The following MROH1 variants were observed in gnomAD, a reference collection of about 807,000 sequenced individuals.
MROH1 encodes the protein maestro heat like repeat family member 1, also known as maestro heat-like repeat-containing protein family member 1.
MROH1 carries 117 observed loss-of-function variants against 116.5 expected under a neutral mutation model. The observed-to-expected ratio is 1.00, with a 90% CI of 0.86 to 1.17. The LOEUF (loss-of-function observed/expected upper bound fraction) is 1.17, where lower values mean the gene tolerates loss of function less well. Among genes scored for constraint, MROH1 ranks in the 50% most tolerant of loss-of-function variants. The pLI is 0.00. For synonymous variants in MROH1, 921 were observed against 583.9 expected (o/e 1.58, Z -8.32); for missense variants, 1,873 against 1,338.5 (o/e 1.40, Z -6.23).
chr8:144,256,977 C>T (rs1843968943), intron 35 of MROH1, among the ~76,000 whole-genome samples: 1 of 151,048 alleles, frequency 6.6e-6, no homozygotes, highest in Non-Finnish European at 1.5e-5. Flanking sequence ...GGCCCTGGCT[C>T]AGACCATGAG....
chr8:144,156,383 G>A (rs1304825463), intron 1 of MROH1, among the ~76,000 whole-genome samples: 2 of 151,608 alleles, frequency 1.3e-5, no homozygotes, highest in East Asian at 1.9e-4. Flanking sequence ...TGAGATGATC[G>A]TGATGTGAAT....
intron 3 of MROH1, among the ~76,000 whole-genome samples, chr8:144,167,487 T>TTGTTGGGTAGAGTGGCCGGG (rs1821218046): frequency 8.5e-6 from 1 of 117,350 alleles, no homozygotes; most frequent in Admixed American, 8.7e-5. Flanking sequence ...GAGTGGCCGG[T>TTGTTGGGTAGAGTGGCCGGG]TGTTGGGTAG....
chr8:144,214,850 C>A (rs1834915300), intron 12 of MROH1, among the ~76,000 whole-genome samples: 1 of 152,172 alleles, frequency 6.6e-6, no homozygotes, highest in Non-Finnish European at 1.5e-5. Flanking sequence ...CAGGGTCCCA[C>A]AATAGGTGGT....
intron 1 of MROH1, among the ~76,000 whole-genome samples, chr8:144,155,491 T>C (rs894000141): frequency 2.6e-5 from 4 of 152,152 alleles, no homozygotes; most frequent in Non-Finnish European, 4.4e-5. Flanking sequence ...GTCCATAAGT[T>C]TTTCCAACGT....
intron 4 of MROH1, among the ~76,000 whole-genome samples, chr8:144,173,885 G>A (rs965067322): frequency 1.3e-5 from 2 of 152,154 alleles, no homozygotes; most frequent in Non-Finnish European, 2.9e-5. Flanking sequence ...AGGATACAGT[G>A]GACATTGAAG....
chr8:144,171,369 C>T (rs568462205), intron 4 of MROH1, among the ~76,000 whole-genome samples: 3 of 152,302 alleles, frequency 2.0e-5, no homozygotes, highest in South Asian at 2.1e-4. Context: ...GTGGAGGAGA[C>T]GCTTGGGCAG....
intron 14 of MROH1, among the ~76,000 whole-genome samples, chr8:144,230,056 A>ATAG (rs1838561435): frequency 6.6e-6 from 1 of 151,784 alleles, no homozygotes; most frequent in Non-Finnish European, 1.5e-5. Context: ...AATAATAATA[A>ATAG]TAATGCTCTT....
chr8:144,242,069 C>T, intron 22 of MROH1: 2 of 523,162 alleles, frequency 3.8e-6, no homozygotes, highest in South Asian at 4.0e-5. Context: ...CTGCCTGACT[C>T]TCTCACGTGG....
In MROH1 at chr8:144,180,513, C is replaced by T. The variant is rs1825329364; in HGVS notation, c.552C>T (p.Ala184=). ...CCAAGCAGGACACGGTGCGCGTGGC[C>T]TTCTGCTCCGGTAAGAGGCGGCCTC... is the stretch of plus-strand genomic sequence containing the variant. ...GVAKQDTVRV[A]FCSALQRFSE... Residue 184 remains alanine, a synonymous_variant, in exon 7 of 44, where the codon GCC becomes GCT. Transcript: ENST00000326134. This position sits in a 1 kb window ranked among gnomAD's most constrained non-coding sequence, Gnocchi z 7.4. 1 of 1,610,216 alleles carries T rather than the reference C, an allele frequency of 6.2e-7. No homozygotes were observed. The highest frequency in any genetic ancestry group is 8.5e-7 in the Non-Finnish European group (1 of 1,179,770).
chr8:144,259,121 G>A (rs1471991187), intron 36 of MROH1, 119 bp from the exon 37 acceptor site: 1 of 690,434 alleles, frequency 1.4e-6, no homozygotes, highest in Non-Finnish European at 2.7e-6. Context: ...CTGAAACATA[G>A]AACTCCCAGA....
intron 14 of MROH1, among the ~76,000 whole-genome samples, chr8:144,237,856 C>T (rs1376486989): frequency 1.3e-5 from 2 of 152,126 alleles, no homozygotes; most frequent in Non-Finnish European, 2.9e-5. Context: ...TGTGTCCTAA[C>T]GTTCGTGTTT....
chr8:144,259,001 C>T (rs1844456083), intron 36 of MROH1, 87 bp downstream of exon 36: 2 of 648,782 alleles, frequency 3.1e-6, no homozygotes, highest in South Asian at 3.5e-5. Context: ...CAGGCGGGGG[C>T]CCATGCGTGT....
chr8:144,212,764 A>AT (rs1834423751), intron 12 of MROH1, among the ~76,000 whole-genome samples: 1 of 151,010 alleles, frequency 6.6e-6, no homozygotes, highest in Non-Finnish European at 1.5e-5. Context: ...TAATTTTTGT[A>AT]TTTTTTAGTA....
intron 1 of MROH1, among the ~76,000 whole-genome samples, chr8:144,151,621 C>T (rs1045536418): frequency 2.0e-5 from 3 of 152,192 alleles, no homozygotes; most frequent in Admixed American, 6.5e-5. Flanking sequence ...GGCAAGAACC[C>T]GGGATACAAA....
intron 14 of MROH1, among the ~76,000 whole-genome samples, chr8:144,232,474 G>A (rs139799746): frequency 0.064 from 9,100 of 142,620 alleles, 968 homozygotes; most frequent in African/African-American, 0.23. Context: ...TTGTTTGTTT[G>A]TTTATTTATT....
At chr8:144,152,555 A>ATTATTATTAT (rs1369841266) in intron 1 of MROH1, among the ~76,000 whole-genome samples, 6,045 of 130,534 alleles carry the variant, frequency 0.046, 493 homozygotes, top group African/African-American at 0.16. Flanking sequence ...TATTATTATT[A>ATTATTATTAT]TTTTTTTTTT....
chr8:144,254,617 C>G (rs1843379031), intron 33 of MROH1, 196 bp from the exon 34 acceptor site: 1 of 586,522 alleles, frequency 1.7e-6, no homozygotes, highest in African/African-American at 1.9e-5. Context: ...ATTACCAGCT[C>G]TGTTTACAGA....
intron 14 of MROH1, among the ~76,000 whole-genome samples, chr8:144,229,364 AT>A (rs974262143): frequency 1.3e-5 from 2 of 149,020 alleles, no homozygotes; most frequent in African/African-American, 4.9e-5. Flanking sequence ...GCAGCAATCG[AT>A]TAATTACCTT....
At chr8:144,244,413 G>A (rs1361129619) in intron 27 of MROH1, 31 bp from the exon 28 acceptor site, 3 of 733,906 alleles carry the variant, frequency 4.1e-6, no homozygotes, top group Non-Finnish European at 7.6e-6. Context: ...GGGGTCACTG[G>A]TGGGGCTGGA....
Sources: allele counts gnomAD v4.1 joint callset (sites outside exome capture counted in the v4.1 genomes callset), GRCh38; gene constraint gnomAD v4.1.1; non-coding constraint Gnocchi (gnomAD v3.1); transcripts MANE v1.5; gene names NCBI Gene and HGNC (gene_info 2026-07-23, HGNC 2026-07-21).